The following GPHN variants were observed in gnomAD, a reference collection of about 807,000 sequenced individuals.
GPHN encodes the protein gephyrin.
GPHN carries 17 observed loss-of-function variants against 95.5 expected under a neutral mutation model. That is an observed-to-expected ratio of 0.18 (90% confidence interval 0.12 to 0.27). The LOEUF is 0.27. GPHN is among the 10% of genes least tolerant of loss of function. GPHN has a pLI of 1.00. For missense variants in GPHN, 660 were observed against 978.1 expected (o/e 0.67, Z 4.34); for synonymous variants, 320 against 322.5 (o/e 0.99, Z 0.08).
the GPHN span, chr14:67,203,122 T>A: frequency 6.2e-7 from 1 of 1,613,626 alleles, no homozygotes; most frequent in Non-Finnish European, 8.5e-7. Context: ...TCCATTTACC[T>A]TCATAACCGA....
At chr14:67,235,588 A>G in the GPHN span, among the ~76,000 whole-genome samples, 2 of 152,064 alleles carry the variant, frequency 1.3e-5, no homozygotes, top group African/African-American at 4.8e-5. Flanking sequence ...GGTGGCAGGC[A>G]CCTGTAGTCC....
At chr14:67,047,362 G>GT (rs374536545) in intron 10 of GPHN, among the ~76,000 whole-genome samples, 4 of 130,754 alleles carry the variant, frequency 3.1e-5, no homozygotes, top group Non-Finnish European at 6.5e-5. Context: ...GTGTGTGTGT[G>GT]TTTGTTTTTT....
At chr14:67,445,057 G>A in the GPHN span, among the ~76,000 whole-genome samples, 11 of 152,116 alleles carry the variant, frequency 7.2e-5, no homozygotes, top group African/African-American at 2.7e-4. Flanking sequence ...TACCATGCCT[G>A]GCCAAGTTAC....
chr14:66,707,257 ATT>A (rs1292060392), intron 2 of GPHN, among the ~76,000 whole-genome samples: 1 of 152,190 alleles, frequency 6.6e-6, no homozygotes, highest in Non-Finnish European at 1.5e-5. Context: ...CAGTATGTAG[ATT>A]TCTCAAGGAT....
the GPHN span, among the ~76,000 whole-genome samples, chr14:67,227,170 G>T: frequency 6.6e-6 from 1 of 151,892 alleles, no homozygotes; most frequent in African/African-American, 2.4e-5. Context: ...AGCTGGGCGT[G>T]GTGGCTCACG....
intron 1 of GPHN, among the ~76,000 whole-genome samples, chr14:66,531,035 A>C (rs528655551): frequency 1.3e-4 from 18 of 143,850 alleles, no homozygotes; most frequent in Admixed American, 7.3e-4. Flanking sequence ...AGCTCACTGC[A>C]GCCTCCGCCT....
chr14:67,517,229 C>T, the GPHN span, among the ~76,000 whole-genome samples: 2 of 152,186 alleles, frequency 1.3e-5, no homozygotes, highest in African/African-American at 4.8e-5. Flanking sequence ...GCCACGAAGG[C>T]ATAGTACGCC....
chr14:67,132,863 A>T (rs542928320), intron 17 of GPHN, among the ~76,000 whole-genome samples: 1 of 151,050 alleles, frequency 6.6e-6, no homozygotes, highest in East Asian at 1.9e-4. Context: ...TTATATATAA[A>T]TATATGATAT....
the GPHN span, among the ~76,000 whole-genome samples, chr14:67,674,177 G>C: frequency 6.6e-6 from 1 of 152,232 alleles, no homozygotes; most frequent in African/African-American, 2.4e-5. Context: ...AAGGATCCCA[G>C]GGAACTGAAT....
the GPHN span, among the ~76,000 whole-genome samples, chr14:67,627,256 GAT>G: frequency 0.045 from 6,052 of 133,690 alleles, 423 homozygotes; most frequent in African/African-American, 0.15. Flanking sequence ...TCAGTAAGGA[GAT>G]ATATATATAT....
the GPHN span, among the ~76,000 whole-genome samples, chr14:67,564,692 C>CTT: frequency 2.9e-5 from 4 of 136,756 alleles, no homozygotes; most frequent in African/African-American, 5.4e-5. Context: ...TTTTCTTTTC[C>CTT]TTTTTTTTTT....
At chr14:66,573,547 G>A (rs533644212) in intron 1 of GPHN, among the ~76,000 whole-genome samples, 62 of 151,628 alleles carry the variant, frequency 4.1e-4, no homozygotes, top group African/African-American at 1.5e-3. Context: ...CTGCCTCTTG[G>A]GTTCAAGTGA....
At chr14:67,043,287 G>C (rs952893782) in intron 10 of GPHN, among the ~76,000 whole-genome samples, 4 of 152,174 alleles carry the variant, frequency 2.6e-5, no homozygotes, top group African/African-American at 7.2e-5. Flanking sequence ...AGTGGTAAGA[G>C]AGGTCATCCT....
At chr14:66,587,143 GATGAGATCCTGGAA>G (rs2061455869) in intron 1 of GPHN, among the ~76,000 whole-genome samples, 1 of 152,068 alleles carries the variant, frequency 6.6e-6, no homozygotes, top group Non-Finnish European at 1.5e-5. Context: ...AAAACACATG[GATGAGATCCTGGAA>G]ATGTACAACT....
At chr14:67,325,122 G>T in the GPHN span, among the ~76,000 whole-genome samples, 1 of 151,824 alleles carries the variant, frequency 6.6e-6, no homozygotes, top group Non-Finnish European at 1.5e-5. Context: ...AGCCAGGATG[G>T]TCTTGATCTC....
At chr14:66,801,467 C>T (rs2060344680) in intron 3 of GPHN, among the ~76,000 whole-genome samples, 1 of 152,112 alleles carries the variant, frequency 6.6e-6, no homozygotes, top group African/African-American at 2.4e-5. Context: ...TATACAAGAT[C>T]CTAAAGAATT....
intron 3 of GPHN, among the ~76,000 whole-genome samples, chr14:66,795,069 C>A (rs1379868217): frequency 6.6e-6 from 1 of 151,780 alleles, no homozygotes; most frequent in African/African-American, 2.4e-5. Context: ...AGTGAAACAC[C>A]CTGTCTCAAA....
chr14:66,841,763 G>A lies in GPHN; in HGVS notation c.294+17197G>A, dbSNP rs545920825. Among the ~76,000 whole-genome samples the A allele has an allele frequency of 9.4e-4, 143 of 152,190 alleles. 1 individual carries two copies. Among genetic ancestry groups the A allele is most frequent in the Non-Finnish European group, 1.5e-3 (103 of 67,992 alleles). ...AATTAGATATTAAGTATATGAGGCC[G>A]GGCATGGTGACTCACACCTGTAATC... On this transcript the variant is annotated intron_variant, in intron 4 of 22. Coordinates refer to ENST00000478722, the MANE Select transcript of GPHN (RefSeq NM_020806.5).
chr14:67,559,176 G>A, the GPHN span, among the ~76,000 whole-genome samples: 1 of 151,518 alleles, frequency 6.6e-6, no homozygotes, highest in Non-Finnish European at 1.5e-5. Context: ...AAATACCTCA[G>A]TTATCTGCAA....
Sources: gnomAD v4.1 joint callset for allele counts (sites outside exome capture counted in the v4.1 genomes callset) on GRCh38, gnomAD v4.1.1 for gene constraint, MANE v1.5 for transcripts, NCBI Gene and HGNC (gene_info 2026-07-23, HGNC 2026-07-21) for gene names.